The following CSE1L variants were observed in gnomAD, a reference collection of about 807,000 sequenced individuals.
The protein encoded by CSE1L is exportin-2.
Under a neutral mutation model 120.4 loss-of-function variants are expected in CSE1L, and 24 were observed. That is an observed-to-expected ratio of 0.20 (90% confidence interval 0.14 to 0.28). CSE1L has a LOEUF of 0.28. Among genes scored for constraint, CSE1L ranks in the 10% least tolerant of loss-of-function variants. The pLI is 1.00. For missense variants in CSE1L, 830 were observed against 1,145.2 expected, an observed-to-expected ratio of 0.72 and a Z score of 3.97; for synonymous variants, 402 against 398.3, an observed-to-expected ratio of 1.01 and a Z score of -0.11.
chr20:49,049,841 C>T (rs955916725), intron 1 of CSE1L, among the ~76,000 whole-genome samples: 14 of 152,174 alleles, frequency 9.2e-5, no homozygotes, highest in African/African-American at 3.4e-4. Flanking sequence ...CCAGCCTGGG[C>T]AACACTGGAA....
chr20:49,094,024 GCA>G, intron 22 of CSE1L, 114 bp from the exon 23 acceptor site: 1 of 244,856 alleles, frequency 4.1e-6, no homozygotes, highest in African/African-American at 4.1e-5. Context: ...ATCAAAAACA[GCA>G]GTCTTGTTAT....
intron 1 of CSE1L, among the ~76,000 whole-genome samples, chr20:49,050,623 C>G (rs149317814): frequency 1.2e-3 from 179 of 151,516 alleles, no homozygotes; most frequent in African/African-American, 4.2e-3. Context: ...ATTGGTCAGG[C>G]TGGTCTCGAA....
chr20:49,083,556 A>G (rs904783329), intron 14 of CSE1L, among the ~76,000 whole-genome samples: 3 of 152,238 alleles, frequency 2.0e-5, no homozygotes, highest in African/African-American at 7.2e-5. Context: ...GGAATGAACC[A>G]CCACACCCAG....
rs7274837 is a variant in CSE1L, at chr20:49,082,728, A to G, written c.1483-1298A>G. Reference sequence around the variant, plus strand: ...AGTAGAGACGGGGTTTCACTGTGTTAGCCAGGATGGTCTCGATCTCCTGAC... The same window carrying G: ...AGTAGAGACGGGGTTTCACTGTGTTGGCCAGGATGGTCTCGATCTCCTGAC... On this transcript the variant is annotated intron_variant, in intron 14 of 24. Transcript: ENST00000262982. Among the ~76,000 whole-genome samples, 1,415 of 151,436 alleles carry G rather than the reference A, an allele frequency of 9.3e-3. 21 individuals are homozygous for G. The highest frequency in any genetic ancestry group is 0.033 in the African/African-American group (1,356 of 41,272).
Position 49,072,375 on chromosome 20 carries a change from C to T in CSE1L, c.858C>T (p.Phe286=), listed in dbSNP as rs1185875789. 1.9e-6 allele frequency: 3 copies of T among 1,614,076 alleles called. No individual in the cohort carries two copies. The highest frequency in any genetic ancestry group is 1.7e-5 in the Admixed American group (1 of 59,998). The change falls in exon 9 of 25, where the codon TTC becomes TTT. Residue 286 remains phenylalanine, a synonymous_variant. Transcript: ENST00000262982. ...ATGCACAAAAGTACGATGAAGAATT[C>T]CAGCGATACCTGCCTCGTTTTGTTA... The part of the protein sequence containing the change: ...ALYAQKYDEE[F]QRYLPRFVTA...
At chr20:49,057,578 G>A (rs1568763556) in intron 1 of CSE1L, among the ~76,000 whole-genome samples, 1 of 149,792 alleles carries the variant, frequency 6.7e-6, no homozygotes. Context: ...TCAGCCTTCC[G>A]AGTAGCTGGG....
intron 16 of CSE1L, among the ~76,000 whole-genome samples, chr20:49,087,606 C>T (rs2092070212): frequency 6.6e-6 from 1 of 152,082 alleles, no homozygotes; most frequent in Non-Finnish European, 1.5e-5. Flanking sequence ...CCGCCAGCCT[C>T]GGCCTCCCAA....
At chr20:49,056,464 T>C (rs1248624890) in intron 1 of CSE1L, among the ~76,000 whole-genome samples, 1 of 152,216 alleles carries the variant, frequency 6.6e-6, no homozygotes, top group African/African-American at 2.4e-5. Flanking sequence ...TTAAGTGAAC[T>C]GTTTGGGAAA....
At chr20:49,082,648 A>G (rs1392996469) in intron 14 of CSE1L, among the ~76,000 whole-genome samples, 1 of 152,058 alleles carries the variant, frequency 6.6e-6, no homozygotes, top group Non-Finnish European at 1.5e-5. Context: ...GCCTCGCGAT[A>G]GCTGGGACTA....
intron 13 of CSE1L, 67 bp from the exon 14 acceptor site, chr20:49,078,494 T>C: frequency 1.0e-6 from 1 of 994,796 alleles, no homozygotes; most frequent in South Asian, 1.5e-5. Flanking sequence ...ACTCTGATGA[T>C]GTCACTAATT....
chr20:49,067,820 C>T (rs765059744), intron 6 of CSE1L, among the ~76,000 whole-genome samples: 20 of 151,314 alleles, frequency 1.3e-4, no homozygotes, highest in Non-Finnish European at 2.4e-4. Flanking sequence ...ACTGCAGCCT[C>T]AACTACCCAA....
In CSE1L at chr20:49,078,572, C is replaced by T. The variant is rs770781858; in HGVS notation, c.1432C>T (p.Pro478Ser). 2.5e-6 allele frequency: 4 copies of T among 1,573,838 alleles called. No homozygotes were observed. In the Admixed American group the frequency reaches 7.6e-5, roughly 30 times the overall value. ...GTTTTTTTATATAGTGAATGAATTTCCTGTCCTTAAAGCTGACGGTATCAA... is the reference window on the plus strand; with the variant it reads ...GTTTTTTTATATAGTGAATGAATTTTCTGTCCTTAAAGCTGACGGTATCAA... ...DLKSANVNEF[P>S]VLKADGIKYI... is the part of the protein sequence containing the mutation. Residue 478 changes from proline to serine, a missense_variant, in exon 14 of 25, where the codon CCT becomes TCT. By Grantham distance (74) the Pro-to-Ser change is moderately conservative. This residue lies in a region of CSE1L where 543 missense variants were observed against 640.2 expected (regional missense o/e 0.85). Transcript: ENST00000262982.
intron 2 of CSE1L, among the ~76,000 whole-genome samples, chr20:49,061,279 TCTC>T (rs2091850788): frequency 6.7e-6 from 1 of 148,266 alleles, no homozygotes; most frequent in Non-Finnish European, 1.5e-5. Flanking sequence ...TCCACGCCAT[TCTC>T]CTGCCTCAGC....
intron 16 of CSE1L, among the ~76,000 whole-genome samples, chr20:49,087,617 A>T (rs993073332): frequency 3.3e-5 from 5 of 152,052 alleles, no homozygotes; most frequent in Non-Finnish European, 7.4e-5. Flanking sequence ...GGCCTCCCAA[A>T]GTGCTGGGGT....
intron 1 of CSE1L, among the ~76,000 whole-genome samples, chr20:49,052,947 T>C (rs1428656900): frequency 6.6e-6 from 1 of 152,102 alleles, no homozygotes; most frequent in East Asian, 1.9e-4. Context: ...AGTTGAGAAA[T>C]ATACAAATGC....
chr20:49,071,030 T>C (rs1360739527), intron 8 of CSE1L, among the ~76,000 whole-genome samples: 4 of 152,248 alleles, frequency 2.6e-5, no homozygotes, highest in African/African-American at 9.6e-5. Context: ...GGGTTTTATA[T>C]TGTGTACTTT....
At chr20:49,094,643 C>A in intron 23 of CSE1L, 89 bp from the exon 24 acceptor site, 1 of 845,620 alleles carries the variant, frequency 1.2e-6, no homozygotes, top group Admixed American at 2.1e-5. Context: ...GACTATGAGT[C>A]TGTAATTTTG....
rs1315338562 is a variant in CSE1L, at chr20:49,089,610, A to G, written c.2045A>G (p.Tyr682Cys). ...CACAAAAATGACATCCCGTCTTCCT[A>G]TATGGCCTTATTTCCTCATCTCCTT... is the stretch of plus-strand genomic sequence containing the variant. ...ETHKNDIPSSYMALFPHLLQP... is the reference protein window; with the variant it reads ...ETHKNDIPSSCMALFPHLLQP... The change falls in exon 19 of 25, where the codon TAT becomes TGT. Residue 682 changes from tyrosine (Y) to cysteine (C), a missense_variant. Transcript: ENST00000262982. 2.5e-6 allele frequency: 4 copies of G among 1,614,122 alleles called. No homozygotes were observed. The highest frequency in any genetic ancestry group is 3.4e-6 in the Non-Finnish European group (4 of 1,180,022).
rs752279849 is a variant in CSE1L, at chr20:49,090,692, G to A, written c.2182-50G>A. 10 of 1,394,528 alleles carry A rather than the reference G, an allele frequency of 7.2e-6. No individual in the cohort carries two copies. In the East Asian group the frequency reaches 1.1e-4, roughly 16 times the overall value. The allele number at this position is 1,394,528 out of a possible 1,614,324, so 86.4% of individuals were successfully genotyped here. A position where few individuals can be genotyped will look rare whatever the true frequency, so the allele number is the denominator to read the frequency against. On this transcript the variant is annotated intron_variant, in intron 19 of 24. Coordinates refer to ENST00000262982, the MANE Select transcript of CSE1L (RefSeq NM_001316.4). ...AGACATATATCATGTTTAACTTTTC[G>A]AATAATTATTCCTGTTAACCATTTT...
Sources: allele counts gnomAD v4.1 joint callset (sites outside exome capture counted in the v4.1 genomes callset), GRCh38; gene constraint gnomAD v4.1.1; regional missense constraint gnomAD v4.1.1; transcripts MANE v1.5; gene names NCBI Gene and HGNC (gene_info 2026-07-23, HGNC 2026-07-21).